The following THUMPD2 variants were observed in gnomAD, a reference collection of about 807,000 sequenced individuals.
THUMPD2 encodes the protein THUMP domain 2 tRNA and snRNA guanosine methyltransferase.
Under a neutral mutation model 49.4 loss-of-function variants are expected in THUMPD2, and 56 were observed. The observed-to-expected ratio is 1.13, with a 90% CI of 0.91 to 1.41. The LOEUF is 1.41. THUMPD2 is among the 40% of genes most tolerant of loss of function. The probability of loss-of-function intolerance (pLI) is 0.00; values close to 1 mark genes in which losing one functional copy is unlikely to be tolerated. For missense variants in THUMPD2, 709 were observed against 594.5 expected (o/e 1.19, Z -2.00); for synonymous variants, 237 against 205.2 (o/e 1.15, Z -1.32).
rs1323924350 is a variant in THUMPD2 at position 39,738,717 on chromosome 2, A to G, written c.1188-1658T>C. ...TATAAATTATATATATATGTAAAAT[A>G]ACAAATGCTATAGGACTAACAGGTG... On this transcript the variant is annotated intron_variant, in intron 9 of 9. Coordinates refer to ENST00000505747, the MANE Select transcript of THUMPD2 (RefSeq NM_025264.5). 2.0e-5 allele frequency among the ~76,000 whole-genome samples: 3 copies of G among 149,816 alleles called. No individual in the cohort carries two copies. The East Asian group carries it at 5.8e-4, about 29-fold the overall frequency.
chr2:39,740,654 G>A (rs1045024060), intron 9 of THUMPD2, among the ~76,000 whole-genome samples: 3 of 151,240 alleles, frequency 2.0e-5, no homozygotes, highest in South Asian at 2.1e-4. Context: ...GGGTCACTCC[G>A]TCACCTGGGC....
At chr2:39,777,806 TAA>T (rs1008963502) in intron 1 of THUMPD2, among the ~76,000 whole-genome samples, 1 of 152,226 alleles carries the variant, frequency 6.6e-6, no homozygotes, top group Non-Finnish European at 1.5e-5. Context: ...TTCCTGGTAA[TAA>T]AGTTTTCCCC....
At chr2:39,759,709 G>T (rs894299085) in intron 6 of THUMPD2, among the ~76,000 whole-genome samples, 37 of 152,276 alleles carry the variant, frequency 2.4e-4, no homozygotes, top group African/African-American at 7.7e-4. Context: ...CACTGGCATG[G>T]TCTGCTCATC....
At chr2:39,776,994 C>T (rs764716750) in intron 1 of THUMPD2, among the ~76,000 whole-genome samples, 3 of 152,170 alleles carry the variant, frequency 2.0e-5, no homozygotes, top group African/African-American at 4.8e-5. Context: ...AACAATCATT[C>T]TTGAATTAAT....
chr2:39,769,061 T>C, intron 3 of THUMPD2: 1 of 1,304,548 alleles, frequency 7.7e-7, no homozygotes, highest in South Asian at 1.2e-5. Context: ...GCATTTGCAG[T>C]CTAGGTCCTG....
At chr2:39,745,818 A>G (rs1674503924) in intron 8 of THUMPD2, among the ~76,000 whole-genome samples, 1 of 152,218 alleles carries the variant, frequency 6.6e-6, no homozygotes, top group Non-Finnish European at 1.5e-5. Context: ...GGAAGAGAAT[A>G]ATTTTTAAAA....
intron 6 of THUMPD2, among the ~76,000 whole-genome samples, chr2:39,760,543 T>C (rs1430494028): frequency 6.6e-6 from 1 of 151,934 alleles, no homozygotes; most frequent in Non-Finnish European, 1.5e-5. Flanking sequence ...AAGAATATAA[T>C]CAAGTCTATC....
intron 1 of THUMPD2, 120 bp downstream of exon 1, chr2:39,778,994 G>C: frequency 1.6e-6 from 2 of 1,270,490 alleles, no homozygotes; most frequent in Non-Finnish European, 2.0e-6. Context: ...GGGGGTCGGC[G>C]ACCGTCGCGT....
chr2:39,747,295 C>T (rs1674730881), intron 8 of THUMPD2, among the ~76,000 whole-genome samples: 1 of 152,094 alleles, frequency 6.6e-6, no homozygotes, highest in Admixed American at 6.5e-5. Flanking sequence ...AGATTATGAC[C>T]TTCTCTCGTT....
chr2:39,752,085 G>A (rs539335029), intron 8 of THUMPD2, among the ~76,000 whole-genome samples: 1 of 152,316 alleles, frequency 6.6e-6, no homozygotes, highest in African/African-American at 2.4e-5. Flanking sequence ...CACAGAGGCT[G>A]AAGATTGTGA....
At chr2:39,745,228 T>G (rs1380715238) in intron 8 of THUMPD2, among the ~76,000 whole-genome samples, 1 of 152,168 alleles carries the variant, frequency 6.6e-6, no homozygotes, top group Non-Finnish European at 1.5e-5. Context: ...GTACCTAATT[T>G]TGCAGAAATG....
intron 9 of THUMPD2, among the ~76,000 whole-genome samples, chr2:39,743,156 A>G (rs1282290367): frequency 6.6e-6 from 1 of 152,208 alleles, no homozygotes; most frequent in African/African-American, 2.4e-5. Flanking sequence ...TCCATCTAAA[A>G]CACATGGCTC....
chr2:39,776,935 G>C (rs1341314429), intron 1 of THUMPD2, among the ~76,000 whole-genome samples: 1 of 152,220 alleles, frequency 6.6e-6, no homozygotes, highest in East Asian at 1.9e-4. Context: ...TGATTCTTAT[G>C]TTCATGAAAA....
chr2:39,747,100 T>C (rs2148206974), intron 8 of THUMPD2, among the ~76,000 whole-genome samples: 2 of 152,330 alleles, frequency 1.3e-5, no homozygotes, highest in South Asian at 4.1e-4. Context: ...GTCGGAACTT[T>C]TTCATATTTC....
rs188882606 is a variant in THUMPD2, at chr2:39,769,724, C to A, written c.658G>T (p.Ala220Ser). Residue 220 changes from alanine (A) to serine (S), a missense_variant, in exon 3 of 10, where the codon GCC becomes TCC. Coordinates refer to ENST00000505747, the MANE Select transcript of THUMPD2 (RefSeq NM_025264.5). ...SCRCSGTIGK[A>S]FTAQEVGKVI... ...TGCAAGCATACCTGTGCAGTGAAGG[C>A]CTTTCCAATAGTTCCACTGCAGCGA... 1.9e-6 allele frequency: 3 copies of A among 1,569,186 alleles called. No individual in the cohort carries two copies. The highest frequency in any genetic ancestry group is 2.6e-6 in the Non-Finnish European group (3 of 1,164,424).
rs758031052 is a variant in THUMPD2 at position 39,770,134 on chromosome 2, T to A, written c.263-15A>T. 41 of 1,450,000 alleles carry A rather than the reference T, an allele frequency of 2.8e-5. No homozygotes were observed. Among genetic ancestry groups the A allele is most frequent in the Non-Finnish European group, 3.6e-5 (40 of 1,105,380 alleles). 89.8% of individuals were successfully genotyped at this position (1,450,000 alleles called of 1,614,324 possible). A position where few individuals can be genotyped will look rare whatever the true frequency, so the allele number is the denominator to read the frequency against. On this transcript the variant is annotated splice_polypyrimidine_tract_variant and intron_variant, in intron 2 of 9. Transcript: ENST00000505747. The stretch of plus-strand genomic sequence containing the variant: ...AAATATTTTTCCTAAATAAGAAAAA[T>A]CTTGTTGATCCTCTATTGAAGCTTT...
chr2:39,751,584 C>T (rs1192255254), intron 8 of THUMPD2, among the ~76,000 whole-genome samples: 1 of 151,590 alleles, frequency 6.6e-6, no homozygotes, highest in Non-Finnish European at 1.5e-5. Context: ...TGACTAATTG[C>T]TATTTCCTAA....
At position 39,755,980 on chromosome 2, in the gene THUMPD2, T is replaced by C. The variant is rs1437683727; in HGVS notation, c.892-20A>G. ...ACCAGCCTGCAGACAGAAATATTAA[T>C]TTGGTATTATTAAGACTACCATAGT... On this transcript the variant is annotated intron_variant, in intron 6 of 9. Coordinates refer to ENST00000505747, the MANE Select transcript of THUMPD2 (RefSeq NM_025264.5). 7 of 1,609,390 alleles carry C rather than the reference T, an allele frequency of 4.3e-6. No individual in the cohort carries two copies. Among genetic ancestry groups the C allele is most frequent in the Non-Finnish European group, 6.0e-6 (7 of 1,176,034 alleles).
chr2:39,737,793 G>A lies in THUMPD2; in HGVS notation c.1188-734C>T, dbSNP rs543207759. ...GTGGGAATGAGCCAGGCAAAGCGAC[G>A]GCAAGCGGCTGCAGCAAGGGAGGGT... On this transcript the variant is annotated intron_variant, in intron 9 of 9. Coordinates refer to ENST00000505747, the MANE Select transcript of THUMPD2 (RefSeq NM_025264.5). Among the ~76,000 whole-genome samples, 4 of 152,150 alleles carry A rather than the reference G, an allele frequency of 2.6e-5. No homozygotes were observed. In the East Asian group the frequency reaches 5.8e-4, roughly 22 times the overall value.
Sources: allele counts gnomAD v4.1 joint callset (sites outside exome capture counted in the v4.1 genomes callset), GRCh38; gene constraint gnomAD v4.1.1; transcripts MANE v1.5; gene names NCBI Gene and HGNC (gene_info 2026-07-23, HGNC 2026-07-21).